Variants in SLC9A9 observed in about 807,000 individuals in gnomAD.
SLC9A9 encodes sodium/hydrogen exchanger 9.
In SLC9A9, 62 loss-of-function variants were observed where a neutral mutation model predicts 77.8. The observed-to-expected ratio is 0.80, with a 90% CI of 0.65 to 0.98. The LOEUF is 0.98. SLC9A9 is among the 50% of genes least tolerant of loss of function. The probability of loss-of-function intolerance (pLI) is 0.00; values close to 1 mark genes in which losing one functional copy is unlikely to be tolerated. For synonymous variants in SLC9A9, 320 were observed against 283.5 expected (o/e 1.13, Z -1.29); for missense variants, 775 against 774.9 (o/e 1.00, Z 0.00).
At chr3:143,537,503 C>T (rs758894381) in intron 9 of SLC9A9, among the ~76,000 whole-genome samples, 91 of 152,362 alleles carry the variant, frequency 6.0e-4, no homozygotes, top group Non-Finnish European at 9.4e-4. Flanking sequence ...CTGCCTCACT[C>T]CTTAGAGTAT....
intron 14 of SLC9A9, among the ~76,000 whole-genome samples, chr3:143,308,679 G>A (rs1358076527): frequency 6.6e-6 from 1 of 152,128 alleles, no homozygotes; most frequent in African/African-American, 2.4e-5. Flanking sequence ...CAAGACTCAT[G>A]ACTGTGAAGC....
At chr3:143,292,940 A>G (rs2030079603) in intron 14 of SLC9A9, among the ~76,000 whole-genome samples, 1 of 152,156 alleles carries the variant, frequency 6.6e-6, no homozygotes, top group South Asian at 2.1e-4. Context: ...GAAATAAGAA[A>G]GACACTAATT....
At chr3:143,665,547 G>GT (rs915721763) in intron 5 of SLC9A9, among the ~76,000 whole-genome samples, 14 of 151,822 alleles carry the variant, frequency 9.2e-5, no homozygotes, top group South Asian at 6.2e-4. Context: ...CCAGGAGCTA[G>GT]TTTTTTTTGA....
intron 6 of SLC9A9, among the ~76,000 whole-genome samples, chr3:143,638,371 C>A (rs1363760412): frequency 1.3e-5 from 2 of 152,192 alleles, no homozygotes; most frequent in African/African-American, 2.4e-5. Flanking sequence ...GAAACTACAT[C>A]ATGATTCTGA....
chr3:143,373,653 C>T (rs1216541987), intron 13 of SLC9A9, among the ~76,000 whole-genome samples: 1 of 113,292 alleles, frequency 8.8e-6, no homozygotes, highest in Non-Finnish European at 1.9e-5. Flanking sequence ...TTCCTGGAAC[C>T]AAGAAGTACA....
intron 11 of SLC9A9, among the ~76,000 whole-genome samples, chr3:143,470,959 T>C (rs1037655867): frequency 6.6e-6 from 1 of 152,334 alleles, no homozygotes; most frequent in African/African-American, 2.4e-5. Context: ...TTACAGGAGA[T>C]GCAATGCAGA....
chr3:143,279,932 C>G (rs1421616736), intron 14 of SLC9A9, among the ~76,000 whole-genome samples: 1 of 152,140 alleles, frequency 6.6e-6, no homozygotes, highest in Non-Finnish European at 1.5e-5. Flanking sequence ...CAATCCTCCC[C>G]CCTCAGCCTC....
At chr3:143,678,626 AT>A (rs1186303578) in intron 5 of SLC9A9, among the ~76,000 whole-genome samples, 1 of 152,074 alleles carries the variant, frequency 6.6e-6, no homozygotes, top group Non-Finnish European at 1.5e-5. Flanking sequence ...ATCATCTATT[AT>A]TTTTTACTGG....
At chr3:143,650,553 G>A (rs910558519) in intron 6 of SLC9A9, among the ~76,000 whole-genome samples, 2 of 152,180 alleles carry the variant, frequency 1.3e-5, no homozygotes, top group Non-Finnish European at 2.9e-5. Context: ...CTCATGGAAG[G>A]AAAGAGCTGG....
At chr3:143,803,700 G>A (rs145234698) in intron 2 of SLC9A9, among the ~76,000 whole-genome samples, 40 of 152,020 alleles carry the variant, frequency 2.6e-4, no homozygotes, top group South Asian at 8.3e-4. Context: ...TCTCCACCAC[G>A]CTATCAACCT....
At chr3:143,674,389 C>T (rs1181545384) in intron 5 of SLC9A9, among the ~76,000 whole-genome samples, 1 of 152,164 alleles carries the variant, frequency 6.6e-6, no homozygotes, top group Non-Finnish European at 1.5e-5. Flanking sequence ...TAGTGGAAGG[C>T]TCCTCTTGGG....
intron 2 of SLC9A9, among the ~76,000 whole-genome samples, chr3:143,812,566 C>T (rs1016289541): frequency 1.3e-5 from 2 of 152,208 alleles, no homozygotes; most frequent in Non-Finnish European, 2.9e-5. Context: ...CCTGGTCAGA[C>T]ATGTAGACTA....
At chr3:143,836,879 G>A (rs2009582104) in intron 1 of SLC9A9, among the ~76,000 whole-genome samples, 1 of 152,038 alleles carries the variant, frequency 6.6e-6, no homozygotes, top group Non-Finnish European at 1.5e-5. Context: ...TAACCTACCA[G>A]CCCCTTCCCT....
intron 4 of SLC9A9, among the ~76,000 whole-genome samples, chr3:143,710,068 T>C (rs1934097750): frequency 6.6e-6 from 1 of 152,224 alleles, no homozygotes. Context: ...TGCATATTCA[T>C]TAAAGAAAAA....
chr3:143,287,959 A>G (rs1938426686), intron 14 of SLC9A9, among the ~76,000 whole-genome samples: 1 of 152,210 alleles, frequency 6.6e-6, no homozygotes, highest in African/African-American at 2.4e-5. Context: ...AGAGAAAAAA[A>G]GTCTTCCTGG....
intron 14 of SLC9A9, among the ~76,000 whole-genome samples, chr3:143,271,649 A>G (rs766576686): frequency 1.3e-5 from 2 of 152,216 alleles, no homozygotes; most frequent in African/African-American, 2.4e-5. Context: ...AGGTGGTTCT[A>G]TACCCCTAAA....
At chr3:143,345,941 A>T (rs528975208) in intron 14 of SLC9A9, among the ~76,000 whole-genome samples, 2 of 152,326 alleles carry the variant, frequency 1.3e-5, no homozygotes, top group African/African-American at 2.4e-5. Flanking sequence ...GATCTCATTT[A>T]TTCATATGCC....
At chr3:143,693,621 C>T (rs1375614473) in intron 4 of SLC9A9, among the ~76,000 whole-genome samples, 1 of 152,096 alleles carries the variant, frequency 6.6e-6, no homozygotes, top group Non-Finnish European at 1.5e-5. Flanking sequence ...AAATCATATC[C>T]AAAACCACAG....
intron 14 of SLC9A9, among the ~76,000 whole-genome samples, chr3:143,330,317 C>A (rs1483032943): frequency 6.6e-6 from 1 of 152,178 alleles, no homozygotes; most frequent in African/African-American, 2.4e-5. Context: ...ACTTGCCCAG[C>A]ATCAAATCTC....
Sources: gnomAD v4.1 joint callset for allele counts (sites outside exome capture counted in the v4.1 genomes callset) on GRCh38, gnomAD v4.1.1 for gene constraint, MANE v1.5 for transcripts, NCBI Gene and HGNC (gene_info 2026-07-23, HGNC 2026-07-21) for gene names.